Variants in PCDHGA2 observed in about 807,000 individuals in gnomAD.
The protein encoded by PCDHGA2 is protocadherin gamma-A2.
A neutral mutation model predicts 59.2 loss-of-function variants in PCDHGA2; 40 were observed. The observed-to-expected ratio is 0.68, with a 90% CI of 0.52 to 0.88. The LOEUF is 0.88. PCDHGA2 is among the 40% of genes least tolerant of loss of function. PCDHGA2 has a pLI of 0.00. For synonymous variants in PCDHGA2, 560 were observed against 526.0 expected (o/e 1.06, Z -0.89); for missense variants, 1,226 against 1,204.0 (o/e 1.02, Z -0.27).
chr5:141,407,996 TG>T, intron 1 of PCDHGA2: 1 of 872,306 alleles, frequency 1.1e-6, no homozygotes, highest in Non-Finnish European at 1.7e-6. Flanking sequence ...GCCTCTGGCC[TG>T]GGATTCCCTG....
chr5:141,399,263 A>G, intron 1 of PCDHGA2: 9 of 1,613,918 alleles, frequency 5.6e-6, no homozygotes, highest in Non-Finnish European at 7.6e-6. Context: ...GGGGAGGTTA[A>G]TTGTCAATTA....
intron 1 of PCDHGA2, chr5:141,400,524 GGTGA>G (rs1307110266): frequency 1.2e-6 from 2 of 1,613,920 alleles, no homozygotes; most frequent in Admixed American, 3.3e-5. Context: ...ATCCTGAGTT[GGTGA>G]GTTTCATTTA....
At chr5:141,399,785 A>G (rs748714301) in intron 1 of PCDHGA2, 6 of 1,613,294 alleles carry the variant, frequency 3.7e-6, no homozygotes, top group South Asian at 1.1e-5. Context: ...GACCGAAACG[A>G]CAACGCACCG....
At chr5:141,346,109 C>G (rs1245311569) in intron 1 of PCDHGA2, 3 of 1,613,888 alleles carry the variant, frequency 1.9e-6, no homozygotes, top group Non-Finnish European at 2.5e-6. Flanking sequence ...TCACTCTGTA[C>G]CTGGTGGTGG....
intron 1 of PCDHGA2, chr5:141,345,418 C>G (rs374302649): frequency 6.8e-6 from 11 of 1,614,064 alleles, no homozygotes; most frequent in Non-Finnish European, 8.5e-6. Flanking sequence ...GCCTACATTC[C>G]AGAAAACAAC....
chr5:141,450,006 C>CTATTTTT lies in PCDHGA2; in HGVS notation c.2425-44800_2425-44799insATTTTTT, dbSNP rs70988802. On this transcript the variant is annotated intron_variant, in intron 1 of 3. Coordinates refer to ENST00000394576, the MANE Select transcript of PCDHGA2 (RefSeq NM_018915.4). ...CACATTGCATTTAGTTGCCATGTCTCTTTTTTTTTTTTTTTTTTGAGACAG... is the reference window on the plus strand; with the variant it reads ...CACATTGCATTTAGTTGCCATGTCTCTATTTTTTTTTTTTTTTTTTTTTTTGAGACAG... Among the ~76,000 whole-genome samples, 248 of 132,920 alleles carry CTATTTTT rather than the reference C, an allele frequency of 1.9e-3. 8 individuals carry two copies. Among genetic ancestry groups the CTATTTTT allele is most frequent in the African/African-American group, 4.3e-3 (154 of 35,586 alleles). 87.2% of individuals were successfully genotyped at this position (132,920 alleles called of 152,430 possible). A position where few individuals can be genotyped will look rare whatever the true frequency, so the allele number is the denominator to read the frequency against.
At chr5:141,394,748 C>T (rs960054108) in intron 1 of PCDHGA2, 1 of 1,613,414 alleles carries the variant, frequency 6.2e-7, no homozygotes, top group Non-Finnish European at 8.5e-7. Context: ...TCGTGGTGGC[C>T]GTCCAGGACC....
At chr5:141,428,489 T>C (rs2097142285) in intron 1 of PCDHGA2, 1 of 312,516 alleles carries the variant, frequency 3.2e-6, no homozygotes. Context: ...TCCTGCAATC[T>C]GTATGTTCCC....
intron 1 of PCDHGA2, chr5:141,404,248 G>T (rs1404333144): frequency 6.2e-7 from 1 of 1,613,694 alleles, no homozygotes; most frequent in South Asian, 1.1e-5. Flanking sequence ...CTCCGCCCCT[G>T]TCCACAGAAA....
At position 141,346,242 on chromosome 5, in the gene PCDHGA2, G is replaced by A. The variant is rs774242856; in HGVS notation, c.2424+4847G>A. On this transcript the variant is annotated intron_variant, in intron 1 of 3. Transcript: ENST00000394576. ...GGGAGGCGGCTTGGCGAGTACGCCC[G>A]GCTCGCACTTTGTGGGCGCGGACGG... The A allele has an allele frequency of 2.2e-5, 35 of 1,614,062 alleles. No individual in the cohort carries two copies. Among genetic ancestry groups the A allele is most frequent in the African/African-American group, 2.7e-5 (2 of 74,926 alleles).
chr5:141,349,984 C>G (rs769244141), intron 1 of PCDHGA2: 6 of 306,550 alleles, frequency 2.0e-5, no homozygotes, highest in African/African-American at 1.3e-4. Context: ...CAAGAGGTTG[C>G]GCTTTGAGGA....
In PCDHGA2 at chr5:141,340,299, C is replaced by T. The variant is rs141105367; in HGVS notation, c.1328C>T (p.Ala443Val). The T allele has an allele frequency of 1.2e-6, 2 of 1,614,152 alleles. No homozygotes were observed. The highest frequency in any genetic ancestry group is 8.5e-7 in the Non-Finnish European group (1 of 1,180,024). ...STDAHILLQV[A>V]DINDNAPAFS... is the part of the protein sequence containing the mutation. ...GATGCTCACATTTTGCTCCAGGTGG[C>T]AGACATCAACGACAACGCACCCGCC... Residue 443 changes from alanine to valine, a missense_variant, in exon 1 of 4, where the codon GCA (alanine) becomes GTA (valine). Physicochemically the swap from Ala to Val is moderately conservative, Grantham distance 64. Coordinates refer to ENST00000394576, the MANE Select transcript of PCDHGA2 (RefSeq NM_018915.4).
intron 3 of PCDHGA2, among the ~76,000 whole-genome samples, chr5:141,506,444 CA>C (rs1219684339): frequency 0.54 from 51,660 of 95,006 alleles, 10,715 homozygotes; most frequent in African/African-American, 0.61. Context: ...CGCTCTGTCT[CA>C]AAAAAAAAAA....
Position 141,386,987 on chromosome 5 carries a change from A to G in PCDHGA2, c.2424+45592A>G, listed in dbSNP as rs147872708. 4.1e-3 allele frequency among the ~76,000 whole-genome samples: 628 copies of G among 152,308 alleles called. 4 individuals carry two copies. The highest frequency in any genetic ancestry group is 3.9e-3 in the Non-Finnish European group (262 of 68,032). ...CTCAGTGACTTTGTGTTTTGAGGCTATGTATTATCCCCCTGATAACTTTGA... is the reference window on the plus strand; with the variant it reads ...CTCAGTGACTTTGTGTTTTGAGGCTGTGTATTATCCCCCTGATAACTTTGA... On this transcript the variant is annotated intron_variant, in intron 1 of 3. Transcript: ENST00000394576.
At chr5:141,391,562 C>T (rs927673920) in intron 1 of PCDHGA2, 2 of 152,064 alleles carry the variant, frequency 1.3e-5, no homozygotes, top group Non-Finnish European at 1.5e-5. Flanking sequence ...TTTCCATATG[C>T]ATAAGAAAAT....
At chr5:141,347,041 C>CTGTT (rs1757850282) in intron 1 of PCDHGA2, among the ~76,000 whole-genome samples, 1 of 150,154 alleles carries the variant, frequency 6.7e-6, no homozygotes, top group Admixed American at 6.6e-5. Context: ...CTTCCTTCCT[C>CTGTT]TCTCTCTTTC....
intron 1 of PCDHGA2, chr5:141,370,988 A>T (rs760427095): frequency 2.5e-5 from 41 of 1,613,868 alleles, no homozygotes; most frequent in Non-Finnish European, 3.1e-5. Context: ...TACTGAAAGC[A>T]CCCCTGGACA....
chr5:141,364,590 C>G lies in PCDHGA2; in HGVS notation c.2424+23195C>G, dbSNP rs751302023. On this transcript the variant is annotated intron_variant, in intron 1 of 3. Transcript: ENST00000394576. ...CCGCGAAGCGGCAGCTTGGTCACCG[C>G]GGGCAGGATAGACCGGGAGGAGCTC... 2.7e-5 allele frequency: 44 copies of G among 1,614,196 alleles called. 1 individual carries two copies. In the South Asian group the frequency reaches 3.6e-4, roughly 13 times the overall value.
chr5:141,394,083 G>T, intron 1 of PCDHGA2: 1 of 1,613,826 alleles, frequency 6.2e-7, no homozygotes, highest in Non-Finnish European at 8.5e-7. Flanking sequence ...CACAGTGATG[G>T]CCTCAGATCT....
Sources: allele counts gnomAD v4.1 joint callset (sites outside exome capture counted in the v4.1 genomes callset), GRCh38; gene constraint gnomAD v4.1.1; transcripts MANE v1.5; gene names NCBI Gene and HGNC (gene_info 2026-07-23, HGNC 2026-07-21).